The following PTPRQ variants were observed in gnomAD, a reference collection of about 807,000 sequenced individuals.
PTPRQ encodes the protein protein tyrosine phosphatase receptor type Q.
A neutral mutation model predicts 246.0 loss-of-function variants in PTPRQ; 199 were observed. That is an observed-to-expected ratio of 0.81 (90% CI 0.72 to 0.91). PTPRQ has a LOEUF of 0.91. PTPRQ is among the 40% of genes least tolerant of loss of function. PTPRQ has a pLI of 0.00. For missense variants in PTPRQ, 2,624 were observed against 2,528.4 expected (o/e 1.04, Z -0.81); for synonymous variants, 869 against 853.2 (o/e 1.02, Z -0.32).
intron 29 of PTPRQ, among the ~76,000 whole-genome samples, chr12:80,615,439 G>A (rs1379355843): frequency 1.3e-5 from 2 of 151,006 alleles, no homozygotes; most frequent in Non-Finnish European, 3.0e-5. Context: ...AATAAGCCAA[G>A]AATATAGTCT....
intron 35 of PTPRQ, among the ~76,000 whole-genome samples, 175 bp from the exon 36 acceptor site, chr12:80,648,722 A>G (rs928550723): frequency 6.6e-6 from 1 of 152,120 alleles, no homozygotes; most frequent in Non-Finnish European, 1.5e-5. Flanking sequence ...TTGAGTCCAA[A>G]TAATGTAATT....
intron 6 of PTPRQ, among the ~76,000 whole-genome samples, chr12:80,461,489 T>C (rs560182533): frequency 6.6e-6 from 1 of 152,106 alleles, no homozygotes; most frequent in African/African-American, 2.4e-5. Flanking sequence ...TTTGGTAAGG[T>C]ATTCATATAT....
At position 80,445,661 on chromosome 12, in the gene PTPRQ, G is replaced by A. The variant is rs1892531402; in HGVS notation, c.334G>A (p.Asp112Asn). The A allele has an allele frequency of 1.3e-6, 2 of 1,550,152 alleles. No homozygotes were observed. Among genetic ancestry groups the A allele is most frequent in the Non-Finnish European group, 1.7e-6 (2 of 1,145,892 alleles). The change falls in exon 3 of 45, where the codon GAC becomes AAC. Residue 112 changes from aspartate to asparagine, a missense_variant. By Grantham distance (23) the Asp-to-Asn change is conservative (BLOSUM62 1). Transcript: ENST00000644991. ...TVYTQVRSKPDSLEVLLTNLN... is the reference protein window; with the variant it reads ...TVYTQVRSKPNSLEVLLTNLN... ...ATATACACAAGTCAGATCAAAGCCAGACAGTCTGGAAGTTCTTCTTACTAA... is the reference window on the plus strand; with the variant it reads ...ATATACACAAGTCAGATCAAAGCCAAACAGTCTGGAAGTTCTTCTTACTAA...
At chr12:80,530,632 C>T (rs188329891) in intron 17 of PTPRQ, among the ~76,000 whole-genome samples, 18 of 152,094 alleles carry the variant, frequency 1.2e-4, no homozygotes, top group African/African-American at 4.1e-4. Context: ...TCACAAATGA[C>T]GAACAAACAT....
chr12:80,630,928 G>T (rs960321916), intron 33 of PTPRQ, among the ~76,000 whole-genome samples: 3 of 152,072 alleles, frequency 2.0e-5, no homozygotes, highest in Admixed American at 6.6e-5. Flanking sequence ...TGTTGGCCAG[G>T]TTGTCTCGAA....
intron 3 of PTPRQ, among the ~76,000 whole-genome samples, chr12:80,455,395 T>C (rs1295727687): frequency 6.6e-6 from 1 of 152,212 alleles, no homozygotes; most frequent in African/African-American, 2.4e-5. Context: ...AAAATAAAAC[T>C]TATAGTTAGC....
At chr12:80,520,311 C>T (rs4472995) in intron 17 of PTPRQ, among the ~76,000 whole-genome samples, 134,454 of 152,166 alleles carry the variant, frequency 0.88, 60,015 homozygotes, top group Non-Finnish European at 0.93. Flanking sequence ...GACCTGATGG[C>T]TTTTTTATTT....
At chr12:80,507,810 T>C (rs11114487) in intron 16 of PTPRQ, among the ~76,000 whole-genome samples, 8,038 of 152,094 alleles carry the variant, frequency 0.053, 227 homozygotes, top group Middle Eastern at 0.092. Flanking sequence ...AAGTTAAAAT[T>C]ATCTTAATAA....
chr12:80,459,264 C>T lies in PTPRQ; in HGVS notation c.461-20C>T. The T allele has an allele frequency of 2.5e-6, 1 of 398,136 alleles. No homozygotes were observed. Among genetic ancestry groups the T allele is most frequent in the Non-Finnish European group, 4.4e-6 (1 of 225,830 alleles). 24.7% of individuals were successfully genotyped at this position (398,136 alleles called of 1,614,324 possible). ...GTTTTATAACAAAGTTTTTTCCTTC[C>T]CAATCTTTCTCTTCCCCAGCTCCAG... On this transcript the variant is annotated intron_variant, in intron 4 of 44. Coordinates refer to ENST00000644991, the MANE Select transcript of PTPRQ (RefSeq NM_001145026.2).
intron 35 of PTPRQ, among the ~76,000 whole-genome samples, chr12:80,638,850 A>G (rs143300932): frequency 0.011 from 1,640 of 152,336 alleles, 38 homozygotes; most frequent in African/African-American, 0.038. Flanking sequence ...AAGATTATTC[A>G]CATTTTATGT....
chr12:80,677,452 A>G (rs544140337), intron 43 of PTPRQ, among the ~76,000 whole-genome samples: 5 of 152,348 alleles, frequency 3.3e-5, no homozygotes, highest in African/African-American at 1.2e-4. Context: ...TTTTCTTTAA[A>G]TTACATCTGC....
At chr12:80,579,749 A>G (rs1416868217) in intron 25 of PTPRQ, among the ~76,000 whole-genome samples, 2 of 152,178 alleles carry the variant, frequency 1.3e-5, no homozygotes, top group Non-Finnish European at 2.9e-5. Flanking sequence ...TATTAATGTT[A>G]GCAAATTTTA....
At chr12:80,617,927 C>T (rs947432817) in intron 30 of PTPRQ, among the ~76,000 whole-genome samples, 3 of 151,306 alleles carry the variant, frequency 2.0e-5, no homozygotes, top group Non-Finnish European at 3.0e-5. Flanking sequence ...TACCTGAAAC[C>T]TGAGCCTCTT....
chr12:80,445,777 G>A (rs1892536336), intron 3 of PTPRQ, 60 bp downstream of exon 3: 2 of 1,242,056 alleles, frequency 1.6e-6, no homozygotes, highest in Non-Finnish European at 2.3e-6. Flanking sequence ...TAAAAGTGTG[G>A]GAGGTTTTTC....
chr12:80,446,731 C>T (rs1892565910), intron 3 of PTPRQ, among the ~76,000 whole-genome samples: 1 of 136,260 alleles, frequency 7.3e-6, no homozygotes, highest in South Asian at 2.3e-4. Context: ...TCTCCAGCTC[C>T]ATCCATGTTG....
chr12:80,591,264 T>C (rs1897793396), intron 26 of PTPRQ, among the ~76,000 whole-genome samples: 1 of 151,300 alleles, frequency 6.6e-6, no homozygotes, highest in South Asian at 2.1e-4. Context: ...TAGCTAAGAC[T>C]ACAGGCACAC....
intron 43 of PTPRQ, among the ~76,000 whole-genome samples, chr12:80,677,240 C>T (rs1210444825): frequency 1.3e-5 from 2 of 152,122 alleles, no homozygotes; most frequent in African/African-American, 4.8e-5. Flanking sequence ...ATTGTGTCAA[C>T]ATATTTCTGT....
At chr12:80,521,582 G>T (rs922736570) in intron 17 of PTPRQ, among the ~76,000 whole-genome samples, 16 of 151,978 alleles carry the variant, frequency 1.1e-4, no homozygotes, top group African/African-American at 3.9e-4. Flanking sequence ...TCTACATATG[G>T]CTAGCCAGTT....
chr12:80,618,015 T>C (rs1898829185), intron 30 of PTPRQ, among the ~76,000 whole-genome samples: 1 of 151,350 alleles, frequency 6.6e-6, no homozygotes, highest in Non-Finnish European at 1.5e-5. Context: ...CTTCCCTCTG[T>C]CCCTTAATTC....
Sources: gnomAD v4.1 joint callset for allele counts (sites outside exome capture counted in the v4.1 genomes callset) on GRCh38, gnomAD v4.1.1 for gene constraint, MANE v1.5 for transcripts, NCBI Gene and HGNC (gene_info 2026-07-23, HGNC 2026-07-21) for gene names.